The following KCNQ5 variants were observed in gnomAD, a reference collection of about 807,000 sequenced individuals.
KCNQ5 encodes potassium voltage-gated channel subfamily KQT member 5.
KCNQ5 carries 30 observed loss-of-function variants against 98.2 expected under a neutral mutation model. That is an observed-to-expected ratio of 0.31 (90% confidence interval 0.23 to 0.41). KCNQ5 has a LOEUF of 0.41. Ranked by LOEUF, KCNQ5 falls within the 10% of genes least tolerant of loss-of-function variation. The probability of loss-of-function intolerance (pLI) is 1.00; values close to 1 mark genes in which losing one functional copy is unlikely to be tolerated. For missense variants in KCNQ5, 835 were observed against 1,182.5 expected (o/e 0.71, Z 4.31); for synonymous variants, 458 against 449.4 (o/e 1.02, Z -0.24).
chr6:72,967,729 T>A (rs964082668), intron 1 of KCNQ5: 9 of 154,810 alleles, frequency 5.8e-5, no homozygotes, highest in Non-Finnish European at 1.0e-4. Flanking sequence ...TGTGGCATAC[T>A]AAAATCTTCC....
At chr6:72,734,312 TTTTGTTTG>T (rs149734979) in intron 1 of KCNQ5, among the ~76,000 whole-genome samples, 5 of 151,502 alleles carry the variant, frequency 3.3e-5, no homozygotes, top group South Asian at 2.1e-4. Flanking sequence ...AATAACTAGT[TTTTGTTTG>T]TTTGTTTGTT....
intron 1 of KCNQ5, among the ~76,000 whole-genome samples, chr6:72,666,526 A>G (rs1766824286): frequency 6.6e-6 from 1 of 152,200 alleles, no homozygotes; most frequent in Non-Finnish European, 1.5e-5. Context: ...GTAAGTTTGA[A>G]TCTCATCTGT....
intron 1 of KCNQ5, among the ~76,000 whole-genome samples, chr6:72,982,577 G>C (rs1768524120): frequency 1.4e-5 from 2 of 141,180 alleles, no homozygotes; most frequent in African/African-American, 2.7e-5. Flanking sequence ...CTCTGCATGT[G>C]AGATGGGTCT....
chr6:72,934,273 A>G (rs1765806188), intron 1 of KCNQ5, among the ~76,000 whole-genome samples: 1 of 152,304 alleles, frequency 6.6e-6, no homozygotes, highest in South Asian at 2.1e-4. Flanking sequence ...GGCAACCTAT[A>G]TATATCAATG....
At chr6:72,953,221 T>C (rs1057059236) in intron 1 of KCNQ5, among the ~76,000 whole-genome samples, 2 of 152,204 alleles carry the variant, frequency 1.3e-5, no homozygotes, top group Non-Finnish European at 2.9e-5. Context: ...ACACATTTTA[T>C]CCAGTGAAGA....
chr6:73,145,289 A>G (rs80096237), intron 10 of KCNQ5, among the ~76,000 whole-genome samples: 2,349 of 152,328 alleles, frequency 0.015, 70 homozygotes, highest in African/African-American at 0.055. Flanking sequence ...CAGAAAATGT[A>G]AATAACTTGC....
chr6:72,840,378 C>A (rs1198081584), intron 1 of KCNQ5, among the ~76,000 whole-genome samples: 3 of 152,140 alleles, frequency 2.0e-5, no homozygotes, highest in Non-Finnish European at 4.4e-5. Context: ...TGCTTGCATA[C>A]TTAAAAGAAT....
At chr6:72,955,148 G>T (rs1317589055) in intron 1 of KCNQ5, among the ~76,000 whole-genome samples, 1 of 152,146 alleles carries the variant, frequency 6.6e-6, no homozygotes, top group Non-Finnish European at 1.5e-5. Context: ...ACAAGCAATT[G>T]TTCCACAATT....
intron 11 of KCNQ5, among the ~76,000 whole-genome samples, chr6:73,188,875 C>T (rs550520475): frequency 7.3e-5 from 11 of 149,678 alleles, no homozygotes; most frequent in East Asian, 2.0e-4. Flanking sequence ...CCCAGCTACT[C>T]GGGAGGCTGA....
At chr6:72,641,974 C>A (rs1029708384) in intron 1 of KCNQ5, among the ~76,000 whole-genome samples, 15 of 151,752 alleles carry the variant, frequency 9.9e-5, no homozygotes, top group African/African-American at 3.6e-4. Context: ...TATCTACAAT[C>A]TTTTCTCTCA....
chr6:72,690,797 AG>A (rs1768181610), intron 1 of KCNQ5, among the ~76,000 whole-genome samples: 1 of 151,894 alleles, frequency 6.6e-6, no homozygotes, highest in Admixed American at 6.6e-5. Context: ...GTTCTTTTGC[AG>A]TTTTTTTTCC....
At chr6:72,961,823 A>G (rs1320074282) in intron 1 of KCNQ5, among the ~76,000 whole-genome samples, 2 of 151,950 alleles carry the variant, frequency 1.3e-5, no homozygotes, top group Non-Finnish European at 2.9e-5. Flanking sequence ...CAGAGAGATT[A>G]TATCTGTAAG....
intron 1 of KCNQ5, among the ~76,000 whole-genome samples, chr6:72,853,520 T>C (rs1777383561): frequency 6.6e-6 from 1 of 152,048 alleles, no homozygotes. Flanking sequence ...ATTTTTGTGT[T>C]GTTATTAGAG....
intron 10 of KCNQ5, chr6:73,135,336 T>C (rs1454983979): frequency 6.6e-5 from 10 of 151,946 alleles, no homozygotes; most frequent in African/African-American, 1.7e-4. Context: ...TTTTTTAATC[T>C]GTATTTCCTA....
intron 5 of KCNQ5, 86 bp from the exon 6 acceptor site, chr6:73,105,171 G>C (rs1202583212): frequency 1.6e-6 from 1 of 632,330 alleles, no homozygotes; most frequent in East Asian, 2.8e-5. Flanking sequence ...TAATGATTTA[G>C]TGGAAACGTT....
rs1478009127 is a variant in KCNQ5, at chr6:73,194,628, A to G, written c.2013A>G (p.Gln671=). 1.6e-5 allele frequency: 26 copies of G among 1,614,106 alleles called. No individual in the cohort carries two copies. Among genetic ancestry groups the G allele is most frequent in the Non-Finnish European group, 2.2e-5 (26 of 1,180,054 alleles). Residue 671 remains glutamine, a synonymous_variant, in exon 14 of 14, where the codon CAA becomes CAG. Transcript: ENST00000370398. ...VDSKDLSGSA[Q]NSGCLSRSTS... ...GCAAAGATCTTTCGGGTTCCGCACA[A>G]AACAGTGGCTGCTTATCCAGATCAA...
chr6:73,187,060 T>TC lies in KCNQ5; in HGVS notation c.1578-3512dup, dbSNP rs1167903458. On this transcript the variant is annotated intron_variant, in intron 11 of 13. Transcript: ENST00000370398. ...TGTGGTGTTTAATAACCACCAAAAT[T>TC]CTTTTTTTTTTTTTTTTGAGACGGA... Among the ~76,000 whole-genome samples the TC allele has an allele frequency of 5.4e-5, 8 of 147,096 alleles. No individual in the cohort carries two copies. In the East Asian group the frequency reaches 1.7e-3, roughly 31 times the overall value.
chr6:72,730,443 C>T (rs1430734090), intron 1 of KCNQ5, among the ~76,000 whole-genome samples: 3 of 151,902 alleles, frequency 2.0e-5, no homozygotes, highest in Non-Finnish European at 4.4e-5. Context: ...TATTCTAGTA[C>T]TTTTGTTATT....
At chr6:72,810,764 G>A (rs1318568909) in intron 1 of KCNQ5, among the ~76,000 whole-genome samples, 1 of 151,590 alleles carries the variant, frequency 6.6e-6, no homozygotes, top group African/African-American at 2.4e-5. Flanking sequence ...ATTACTTTGG[G>A]GTTAAAGTTG....
Sources: gnomAD v4.1 joint callset for allele counts (sites outside exome capture counted in the v4.1 genomes callset) on GRCh38, gnomAD v4.1.1 for gene constraint, MANE v1.5 for transcripts, NCBI Gene and HGNC (gene_info 2026-07-23, HGNC 2026-07-21) for gene names.